Variants in AUTS2 observed in about 807,000 individuals in gnomAD.
AUTS2 encodes the protein activator of transcription and developmental regulator AUTS2.
A neutral mutation model predicts 112.4 loss-of-function variants in AUTS2; 17 were observed. That is an observed-to-expected ratio of 0.15 (90% confidence interval 0.10 to 0.23). The LOEUF (loss-of-function observed/expected upper bound fraction) is 0.23. AUTS2 is among the 10% of genes least tolerant of loss of function. AUTS2 has a pLI of 1.00. For synonymous variants in AUTS2, 751 were observed against 702.7 expected, an observed-to-expected ratio of 1.07 and a Z score of -1.09; for missense variants, 1,510 against 1,701.6, an observed-to-expected ratio of 0.89 and a Z score of 1.98.
intron 4 of AUTS2, among the ~76,000 whole-genome samples, chr7:70,405,835 G>A (rs1219194469): frequency 1.3e-5 from 2 of 152,318 alleles, no homozygotes; most frequent in East Asian, 3.9e-4. Context: ...GCTGTTATAT[G>A]TATTCATGTT....
At position 70,758,259 on chromosome 7, in the gene AUTS2, T is replaced by G. The variant is rs575319917; in HGVS notation, c.743-4611T>G. Among the ~76,000 whole-genome samples, 4 of 152,252 alleles carry G rather than the reference T, an allele frequency of 2.6e-5. No homozygotes were observed. In the South Asian group the frequency reaches 8.3e-4, roughly 32 times the overall value. On this transcript the variant is annotated intron_variant, in intron 6 of 18. Transcript: ENST00000342771. ...CAGTCTCCTAATGGTTACATTTAGG[T>G]GGCTTCCAAACTTGGTATTCAAACC... is the stretch of plus-strand genomic sequence containing the variant.
At chr7:70,039,179 C>T (rs959030627) in intron 2 of AUTS2, among the ~76,000 whole-genome samples, 6 of 152,094 alleles carry the variant, frequency 3.9e-5, no homozygotes, top group East Asian at 1.9e-4. Context: ...AAGCAACCCA[C>T]GAATTTTACC....
intron 6 of AUTS2, among the ~76,000 whole-genome samples, chr7:70,754,485 T>C (rs761676944): frequency 3.9e-5 from 6 of 152,176 alleles, no homozygotes; most frequent in Non-Finnish European, 7.3e-5. Flanking sequence ...TGAGACTGTG[T>C]CCAAAAAAAT....
At chr7:70,781,556 T>TAACA (rs1352101747) in intron 14 of AUTS2, 59 bp from the exon 15 acceptor site, 5 of 1,586,344 alleles carry the variant, frequency 3.2e-6, no homozygotes, top group East Asian at 2.3e-5. Context: ...AGCTCTTCAC[T>TAACA]AACACCTTTA....
At chr7:70,287,235 G>GA (rs1467634736) in intron 4 of AUTS2, among the ~76,000 whole-genome samples, 2 of 152,106 alleles carry the variant, frequency 1.3e-5, no homozygotes, top group Non-Finnish European at 2.9e-5. Context: ...TTGAGAATAG[G>GA]GTGTGGTCCT....
intron 2 of AUTS2, among the ~76,000 whole-genome samples, chr7:69,899,875 A>T (rs1794904090): frequency 6.6e-6 from 1 of 152,060 alleles, no homozygotes; most frequent in African/African-American, 2.4e-5. Context: ...TGTGCATCTC[A>T]TGGTTCTAAG....
chr7:70,420,058 G>T (rs894169869), intron 4 of AUTS2, among the ~76,000 whole-genome samples: 1 of 152,124 alleles, frequency 6.6e-6, no homozygotes, highest in Admixed American at 6.5e-5. Flanking sequence ...GCTATGAGGC[G>T]GCTACTAAGT....
chr7:70,676,458 G>GAA (rs1435219079), intron 5 of AUTS2, among the ~76,000 whole-genome samples: 1 of 151,962 alleles, frequency 6.6e-6, no homozygotes, highest in African/African-American at 2.4e-5. Context: ...GAGAGAGAGA[G>GAA]AAAAGATGTA....
chr7:69,930,467 G>T (rs7804097), intron 2 of AUTS2, among the ~76,000 whole-genome samples: 141,939 of 152,244 alleles, frequency 0.93, 66,310 homozygotes, highest in East Asian at 1. Context: ...AGACAATAAG[G>T]TGGGTCAGTT....
chr7:70,427,410 A>C (rs1184133134), intron 4 of AUTS2, among the ~76,000 whole-genome samples: 1 of 152,170 alleles, frequency 6.6e-6, no homozygotes, highest in African/African-American at 2.4e-5. Flanking sequence ...ATGTATATTT[A>C]TACTTGGCAA....
chr7:70,225,437 G>T (rs1811712748), intron 4 of AUTS2, among the ~76,000 whole-genome samples: 2 of 152,108 alleles, frequency 1.3e-5, no homozygotes, highest in Non-Finnish European at 2.9e-5. Flanking sequence ...TAGTCATTCT[G>T]CCTAAAGGAG....
intron 6 of AUTS2, among the ~76,000 whole-genome samples, chr7:70,757,114 G>A (rs757792381): frequency 5.3e-5 from 8 of 152,152 alleles, no homozygotes; most frequent in Admixed American, 1.3e-4. Context: ...CTTAGTTCGC[G>A]CTTTTTTGCA....
chr7:69,636,017 A>G (rs1432002908), intron 1 of AUTS2, among the ~76,000 whole-genome samples: 2 of 152,210 alleles, frequency 1.3e-5, no homozygotes, highest in African/African-American at 4.8e-5. Context: ...AGAGACAGCC[A>G]AACAATTTGC....
intron 2 of AUTS2, among the ~76,000 whole-genome samples, chr7:69,901,535 A>T (rs1299111188): frequency 6.6e-6 from 1 of 152,214 alleles, no homozygotes; most frequent in African/African-American, 2.4e-5. Context: ...TTTTGGTCTT[A>T]ATGGCCAACT....
intron 2 of AUTS2, among the ~76,000 whole-genome samples, chr7:70,096,522 C>A (rs1804208836): frequency 6.7e-6 from 1 of 150,132 alleles, no homozygotes; most frequent in South Asian, 2.1e-4. Context: ...TCGCTTGAAC[C>A]TGGGAAGTGG....
chr7:70,044,810 T>C (rs1801428036), intron 2 of AUTS2, among the ~76,000 whole-genome samples: 1 of 152,086 alleles, frequency 6.6e-6, no homozygotes, highest in East Asian at 1.9e-4. Flanking sequence ...AATGTCAGGG[T>C]AAGATGACCA....
intron 5 of AUTS2, among the ~76,000 whole-genome samples, chr7:70,500,219 C>G (rs1798718989): frequency 2.0e-5 from 3 of 151,860 alleles, no homozygotes; most frequent in Admixed American, 2.0e-4. Flanking sequence ...ACCTCTTACT[C>G]AGGACACCCC....
chr7:69,766,534 A>AT (rs2129292425), intron 1 of AUTS2, among the ~76,000 whole-genome samples: 1 of 152,338 alleles, frequency 6.6e-6, no homozygotes, highest in East Asian at 1.9e-4. Flanking sequence ...ACTGTTTTCC[A>AT]TAAGCAGCTA....
At chr7:69,705,268 A>T (rs1352817916) in intron 1 of AUTS2, among the ~76,000 whole-genome samples, 1 of 152,228 alleles carries the variant, frequency 6.6e-6, no homozygotes, top group Non-Finnish European at 1.5e-5. Flanking sequence ...TGCATAGGTC[A>T]TCGGGCCTAT....
Sources: allele counts gnomAD v4.1 joint callset (sites outside exome capture counted in the v4.1 genomes callset), GRCh38; gene constraint gnomAD v4.1.1; transcripts MANE v1.5; gene names NCBI Gene and HGNC (gene_info 2026-07-23, HGNC 2026-07-21).